The following HTR7 variants were observed in gnomAD, a reference collection of about 807,000 sequenced individuals.
HTR7 encodes 5-hydroxytryptamine receptor 7, also known as 5-HT-7.
Under a neutral mutation model 34.0 loss-of-function variants are expected in HTR7, and 16 were observed. The ratio of observed to expected loss-of-function variants is 0.47; its 90% CI spans 0.32 to 0.71. The LOEUF is 0.71. HTR7 is among the 30% of genes least tolerant of loss of function. The pLI, the probability that HTR7 is intolerant of heterozygous loss-of-function variation, is 0.04. For synonymous variants in HTR7, 265 were observed against 260.2 expected (o/e 1.02, Z -0.18); for missense variants, 504 against 625.5 (o/e 0.81, Z 2.07).
At chr10:90,850,583 G>GGAGTCAGGAAACGAA (rs1398861043) in intron 1 of HTR7, among the ~76,000 whole-genome samples, 1 of 152,096 alleles carries the variant, frequency 6.6e-6, no homozygotes, top group Non-Finnish European at 1.5e-5. Context: ...CTCAGATATT[G>GGAGTCAGGAAACGAA]GAGTCAGGAA....
At chr10:90,747,546 A>C (rs1216545594) in intron 2 of HTR7, among the ~76,000 whole-genome samples, 1 of 152,240 alleles carries the variant, frequency 6.6e-6, no homozygotes, top group African/African-American at 2.4e-5. Flanking sequence ...TTCAGTTGTA[A>C]GATAAAGGCA....
At chr10:90,787,410 C>T (rs1417880392) in intron 1 of HTR7, among the ~76,000 whole-genome samples, 1 of 152,050 alleles carries the variant, frequency 6.6e-6, no homozygotes, top group Non-Finnish European at 1.5e-5. Context: ...ATCACTTGAA[C>T]CCAGGAGGCA....
At chr10:90,848,083 T>TC (rs1004361095) in intron 1 of HTR7, among the ~76,000 whole-genome samples, 2 of 150,292 alleles carry the variant, frequency 1.3e-5, no homozygotes, top group African/African-American at 4.9e-5. Flanking sequence ...TTTTTTTTTT[T>TC]TTTTTGGCAG....
At chr10:90,819,283 T>C (rs1845942573) in intron 1 of HTR7, among the ~76,000 whole-genome samples, 1 of 152,174 alleles carries the variant, frequency 6.6e-6, no homozygotes, top group South Asian at 2.1e-4. Context: ...CCTGGGTAAT[T>C]TTATGATCTT....
intron 1 of HTR7, among the ~76,000 whole-genome samples, chr10:90,793,692 TCAC>T (rs1845494450): frequency 6.6e-6 from 1 of 151,876 alleles, no homozygotes; most frequent in African/African-American, 2.4e-5. Flanking sequence ...ACACACACGA[TCAC>T]AAGGCGAAAT....
At chr10:90,852,570 G>A (rs1846516729) in intron 1 of HTR7, among the ~76,000 whole-genome samples, 1 of 152,162 alleles carries the variant, frequency 6.6e-6, no homozygotes, top group African/African-American at 2.4e-5. Flanking sequence ...CACTATTAGA[G>A]ATAGCCAGAA....
intron 1 of HTR7, among the ~76,000 whole-genome samples, chr10:90,758,405 G>GCA (rs1844873315): frequency 6.6e-6 from 1 of 150,622 alleles, no homozygotes; most frequent in Non-Finnish European, 1.5e-5. Context: ...CAAATCAATG[G>GCA]CATGAAGTAA....
intron 1 of HTR7, among the ~76,000 whole-genome samples, chr10:90,819,575 C>T (rs536905412): frequency 9.2e-5 from 14 of 152,234 alleles, no homozygotes; most frequent in African/African-American, 2.9e-4. Context: ...AATTGCCTCA[C>T]GAAGGCTTTG....
At chr10:90,837,061 T>C (rs7093602) in intron 1 of HTR7, among the ~76,000 whole-genome samples, 32,404 of 152,082 alleles carry the variant, frequency 0.21, 4,458 homozygotes, top group African/African-American at 0.38. Context: ...ATCTCTGGAC[T>C]TTCCTGGCCC....
chr10:90,794,178 C>T (rs1015810619), intron 1 of HTR7, among the ~76,000 whole-genome samples: 7 of 152,162 alleles, frequency 4.6e-5, no homozygotes, highest in African/African-American at 1.4e-4. Context: ...ACACATTAGC[C>T]TCGGCCTACA....
intron 1 of HTR7, among the ~76,000 whole-genome samples, chr10:90,782,403 CA>C (rs1845319251): frequency 6.6e-6 from 1 of 152,056 alleles, no homozygotes; most frequent in Admixed American, 6.6e-5. Context: ...ATTATATTTT[CA>C]ATACAATGCA....
At chr10:90,796,053 G>A (rs1163706422) in intron 1 of HTR7, among the ~76,000 whole-genome samples, 1 of 152,158 alleles carries the variant, frequency 6.6e-6, no homozygotes, top group Non-Finnish European at 1.5e-5. Flanking sequence ...TATTATCTGT[G>A]TTGACGTTAA....
In HTR7 at chr10:90,854,808, C is replaced by A. The variant is rs149441542; in HGVS notation, c.539+2325G>T. Reference sequence around the variant, plus strand: ...CAAATACACAAAAGCCTGTAATGAGCACAAAAGCAACAATATTGTAATTAA... The same window carrying A: ...CAAATACACAAAAGCCTGTAATGAGAACAAAAGCAACAATATTGTAATTAA... On this transcript the variant is annotated intron_variant, in intron 1 of 3. Transcript: ENST00000336152. 2.0e-5 allele frequency among the ~76,000 whole-genome samples: 3 copies of A among 152,096 alleles called. No individual in the cohort carries two copies. The East Asian group carries it at 5.8e-4, about 29-fold the overall frequency.
At chr10:90,769,654 CA>C (rs1317599271) in intron 1 of HTR7, among the ~76,000 whole-genome samples, 4 of 151,984 alleles carry the variant, frequency 2.6e-5, no homozygotes, top group Non-Finnish European at 2.9e-5. Context: ...ACCAAATATG[CA>C]CTTTAAAATA....
chr10:90,853,509 T>C (rs1222345795), intron 1 of HTR7, among the ~76,000 whole-genome samples: 2 of 151,508 alleles, frequency 1.3e-5, no homozygotes, highest in East Asian at 3.9e-4. Flanking sequence ...CTCCCTGTGT[T>C]GCCCAGGCTG....
intron 1 of HTR7, among the ~76,000 whole-genome samples, chr10:90,769,557 T>C (rs1381878400): frequency 6.6e-6 from 1 of 152,220 alleles, no homozygotes; most frequent in African/African-American, 2.4e-5. Context: ...TCCACTAAAA[T>C]AGAGTAAAAT....
At chr10:90,825,571 A>G (rs1015241327) in intron 1 of HTR7, among the ~76,000 whole-genome samples, 10 of 152,240 alleles carry the variant, frequency 6.6e-5, no homozygotes, top group African/African-American at 2.4e-4. Context: ...AGAGAATTCA[A>G]AATAGCAGTT....
intron 1 of HTR7, among the ~76,000 whole-genome samples, chr10:90,757,789 A>G (rs140234164): frequency 1.5e-3 from 223 of 152,338 alleles, no homozygotes; most frequent in African/African-American, 5.2e-3. Flanking sequence ...AAAGGAAAAA[A>G]GAAAGAAAGA....
chr10:90,780,827 T>C (rs1315103302), intron 1 of HTR7, among the ~76,000 whole-genome samples: 1 of 152,134 alleles, frequency 6.6e-6, no homozygotes, highest in Non-Finnish European at 1.5e-5. Context: ...TGTTTCTTTA[T>C]CCCAGAAAGA....
Sources: allele counts gnomAD v4.1 joint callset (sites outside exome capture counted in the v4.1 genomes callset), GRCh38; gene constraint gnomAD v4.1.1; transcripts MANE v1.5; gene names NCBI Gene and HGNC (gene_info 2026-07-23, HGNC 2026-07-21).